The following PPM1E variants were observed in gnomAD, a reference collection of about 807,000 sequenced individuals.
PPM1E encodes protein phosphatase, Mg2+/Mn2+ dependent 1E.
In PPM1E, 20 loss-of-function variants were observed where a neutral mutation model predicts 65.9. The ratio of observed to expected loss-of-function variants is 0.30; its 90% CI spans 0.21 to 0.44. The LOEUF is 0.44. Among genes scored for constraint, PPM1E ranks in the 20% least tolerant of loss-of-function variants. The probability of loss-of-function intolerance (pLI) is 1.00; values close to 1 mark genes in which losing one functional copy is unlikely to be tolerated. For synonymous variants in PPM1E, 352 were observed against 374.9 expected (o/e 0.94, Z 0.70); for missense variants, 713 against 953.1 (o/e 0.75, Z 3.32).
chr17:58,805,437 A>T (rs892395895), intron 1 of PPM1E, among the ~76,000 whole-genome samples: 1 of 151,928 alleles, frequency 6.6e-6, no homozygotes, highest in African/African-American at 2.4e-5. Context: ...TTTAGTAGAG[A>T]TGGGGTTTCT....
At chr17:58,837,142 T>C (rs982893853) in intron 1 of PPM1E, among the ~76,000 whole-genome samples, 6 of 149,134 alleles carry the variant, frequency 4.0e-5, no homozygotes, top group African/African-American at 1.5e-4. Context: ...CTCCAGAGGC[T>C]GAGATGGGAG....
intron 1 of PPM1E, chr17:58,897,688 G>T (rs186572391): frequency 2.1e-4 from 32 of 152,302 alleles, no homozygotes; most frequent in Admixed American, 2.1e-3. Context: ...CACCATTCTA[G>T]ATGTCATTAA....
intron 1 of PPM1E, among the ~76,000 whole-genome samples, chr17:58,849,936 G>A (rs1391388627): frequency 6.6e-6 from 1 of 152,190 alleles, no homozygotes; most frequent in African/African-American, 2.4e-5. Context: ...AGGTCTCTAA[G>A]AACTTGCTTT....
In PPM1E at chr17:58,755,896, C is replaced by A. The variant is rs1210441967; in HGVS notation, c.-102C>A. The A allele has an allele frequency of 2.0e-6, 3 of 1,538,190 alleles. No individual in the cohort carries two copies. The highest frequency in any genetic ancestry group is 2.6e-6 in the Non-Finnish European group (3 of 1,144,386). On this transcript the variant is annotated 5_prime_UTR_variant, in exon 1 of 7. Coordinates refer to ENST00000308249, the MANE Select transcript of PPM1E (RefSeq NM_014906.5). ...TGCTGATCGCTCGTGCCGGTGCGGC[C>A]GTTAACCGCCCTTGCCGGAGCCCTA...
At chr17:58,940,227 GC>G (rs1166961193) in intron 1 of PPM1E, among the ~76,000 whole-genome samples, 1 of 152,320 alleles carries the variant, frequency 6.6e-6, no homozygotes, top group East Asian at 1.9e-4. Flanking sequence ...CAAATGACAA[GC>G]ATTAGTGATA....
At chr17:58,899,304 C>G (rs2051466895) in intron 1 of PPM1E, 1 of 152,042 alleles carries the variant, frequency 6.6e-6, no homozygotes, top group Non-Finnish European at 1.5e-5. Flanking sequence ...CATTACACCC[C>G]AGCCTGGTGA....
At chr17:58,870,341 GC>G (rs1242760874) in intron 1 of PPM1E, among the ~76,000 whole-genome samples, 1 of 152,100 alleles carries the variant, frequency 6.6e-6, no homozygotes, top group African/African-American at 2.4e-5. Context: ...TTATTTTAGA[GC>G]CAGCTTTTAT....
chr17:58,859,398 T>C lies in PPM1E; in HGVS notation c.465-96251T>C, dbSNP rs145053534. 5.3e-4 allele frequency among the ~76,000 whole-genome samples: 81 copies of C among 152,354 alleles called. 2 individuals carry two copies. In the Middle Eastern group the frequency reaches 0.017, roughly 32 times the overall value. ...TTACAACAGCTTTAAGTTTAAATTA[T>C]TTGCATTTTCCCCTTTTTATCAAGA... On this transcript the variant is annotated intron_variant, in intron 1 of 6. Coordinates refer to ENST00000308249, the MANE Select transcript of PPM1E (RefSeq NM_014906.5).
intron 1 of PPM1E, among the ~76,000 whole-genome samples, chr17:58,764,333 TTTAA>T (rs1228589921): frequency 1.5e-4 from 23 of 152,274 alleles, no homozygotes; most frequent in African/African-American, 5.1e-4. Flanking sequence ...TCTAACCATT[TTTAA>T]TTAATATTTA....
rs952894259 is a variant in PPM1E at position 58,871,592 on chromosome 17, A to G, written c.465-84057A>G. Among the ~76,000 whole-genome samples, 7 of 152,132 alleles carry G rather than the reference A, an allele frequency of 4.6e-5. No homozygotes were observed. In the East Asian group the frequency reaches 1.4e-3, roughly 29 times the overall value. ...CACTTTGGGAGGCTGAGATGGGTGGATTGCTTGAGCCTAGGAGTTTGAGAT... is the reference window on the plus strand; with the variant it reads ...CACTTTGGGAGGCTGAGATGGGTGGGTTGCTTGAGCCTAGGAGTTTGAGAT... On this transcript the variant is annotated intron_variant, in intron 1 of 6. Coordinates refer to ENST00000308249, the MANE Select transcript of PPM1E (RefSeq NM_014906.5).
chr17:58,835,203 TG>T (rs1398876925), intron 1 of PPM1E, among the ~76,000 whole-genome samples: 1 of 151,984 alleles, frequency 6.6e-6, no homozygotes, highest in East Asian at 1.9e-4. Flanking sequence ...TCGCCAACCA[TG>T]GTGGCACGTG....
intron 2 of PPM1E, among the ~76,000 whole-genome samples, chr17:58,960,178 T>C (rs543323920): frequency 1.9e-4 from 29 of 152,294 alleles, no homozygotes; most frequent in African/African-American, 6.7e-4. Context: ...TCTTTCACTT[T>C]GATTTTGTTT....
At chr17:58,878,521 G>A (rs2051153235) in intron 1 of PPM1E, among the ~76,000 whole-genome samples, 1 of 151,882 alleles carries the variant, frequency 6.6e-6, no homozygotes, top group Admixed American at 6.6e-5. Flanking sequence ...TGGGATTACA[G>A]GCGTGAGCCA....
intron 1 of PPM1E, among the ~76,000 whole-genome samples, chr17:58,883,965 A>C (rs1344015831): frequency 6.6e-6 from 1 of 152,156 alleles, no homozygotes; most frequent in Non-Finnish European, 1.5e-5. Context: ...AAAAATTCTA[A>C]TCTACTGGGC....
Position 58,962,082 on chromosome 17 carries a change from C to T in PPM1E, c.584-3612C>T, listed in dbSNP as rs1392340941. On this transcript the variant is annotated intron_variant, in intron 2 of 6. Coordinates refer to ENST00000308249, the MANE Select transcript of PPM1E (RefSeq NM_014906.5). The stretch of plus-strand genomic sequence containing the variant: ...AGTGGATCACCTGAGGTCAGGATTT[C>T]GAGACCAGCCTGACTAACATGGAGA... Among the ~76,000 whole-genome samples, 21 of 152,146 alleles carry T rather than the reference C, an allele frequency of 1.4e-4. No homozygotes were observed. In the East Asian group the frequency reaches 2.3e-3, roughly 17 times the overall value.
At chr17:58,873,109 G>A (rs1229555338) in intron 1 of PPM1E, among the ~76,000 whole-genome samples, 10 of 152,070 alleles carry the variant, frequency 6.6e-5, no homozygotes, top group Non-Finnish European at 1.5e-4. Flanking sequence ...CACCATCATA[G>A]GCCTAAGCTC....
At chr17:58,938,174 C>T (rs978912908) in intron 1 of PPM1E, among the ~76,000 whole-genome samples, 4 of 152,042 alleles carry the variant, frequency 2.6e-5, no homozygotes, top group Non-Finnish European at 5.9e-5. Flanking sequence ...ATTAAAAAAC[C>T]TTATTTGGAA....
chr17:58,915,399 G>A (rs913114902), intron 1 of PPM1E, among the ~76,000 whole-genome samples: 2 of 152,152 alleles, frequency 1.3e-5, no homozygotes, highest in African/African-American at 4.8e-5. Context: ...TGGTTTTGGT[G>A]GGTTTTAGCC....
chr17:58,971,674 T>A (rs1239200036), intron 4 of PPM1E, among the ~76,000 whole-genome samples: 1 of 152,198 alleles, frequency 6.6e-6, no homozygotes, highest in African/African-American at 2.4e-5. Context: ...GTTTTATATA[T>A]CATTTTATAC....
Sources: allele counts gnomAD v4.1 joint callset (sites outside exome capture counted in the v4.1 genomes callset), GRCh38; gene constraint gnomAD v4.1.1; transcripts MANE v1.5; gene names NCBI Gene and HGNC (gene_info 2026-07-23, HGNC 2026-07-21).